KIRREL2: variants seen among roughly 807,000 people sequenced by gnomAD.
KIRREL2 encodes the protein kin of IRRE-like protein 2.
A neutral mutation model predicts 73.4 loss-of-function variants in KIRREL2; 56 were observed. The ratio of observed to expected loss-of-function variants is 0.76; its 90% CI spans 0.62 to 0.95. KIRREL2 has a LOEUF of 0.95. Among genes scored for constraint, KIRREL2 ranks in the 40% least tolerant of loss-of-function variants. The pLI is 0.00. For synonymous variants in KIRREL2, 407 were observed against 404.0 expected (o/e 1.01, Z -0.09); for missense variants, 896 against 935.0 (o/e 0.96, Z 0.54).
rs1426757251 is a variant in KIRREL2, at chr19:35,866,696, C to A, written c.*204C>A. On this transcript the variant is annotated 3_prime_UTR_variant, in exon 15 of 15. Coordinates refer to ENST00000360202, the MANE Select transcript of KIRREL2 (RefSeq NM_199180.4). ...CCCAAGTGGGAGCAACATGGCCACC[C>A]AATATGCCCACCTATTCCCCGGTGT... The A allele has an allele frequency of 1.5e-6, 1 of 652,206 alleles. No homozygotes were observed. Among genetic ancestry groups the A allele is most frequent in the Non-Finnish European group, 2.6e-6 (1 of 383,320 alleles). The allele number at this position is 652,206 out of a possible 1,614,324, so 40.4% of individuals were successfully genotyped here. A position where few individuals can be genotyped will look rare whatever the true frequency, so the allele number is the denominator to read the frequency against.
rs1973741864 is a variant in KIRREL2 at position 35,862,521 on chromosome 19, C to T, written c.1539C>T (p.Ala513=). 2 of 1,610,310 alleles carry T rather than the reference C, an allele frequency of 1.2e-6. No homozygotes were observed. The highest frequency in any genetic ancestry group is 8.5e-7 in the Non-Finnish European group (1 of 1,179,892). ...TGCTGCCCACTGTGCGGATAGTGGC[C>T]GGAGTGGCCGCTGCCACCACAACTC... ...RDLLPTVRIV[A]GVAAATTTLL... is the part of the protein sequence containing the mutation. Residue 513 remains alanine (A), a synonymous_variant, in exon 12 of 15, where the codon GCC becomes GCT. Transcript: ENST00000360202.
At chr19:35,863,461 CTT>C (rs111603435) in intron 13 of KIRREL2, among the ~76,000 whole-genome samples, 3 of 129,514 alleles carry the variant, frequency 2.3e-5, no homozygotes, top group East Asian at 2.3e-4. Flanking sequence ...GGGCTCTAGT[CTT>C]TTTTTTTTTG....
At chr19:35,856,848 G>A, upstream of KIRREL2, 1 of 542,554 alleles carries the variant, frequency 1.8e-6, no homozygotes, top group African/African-American at 2.0e-5. The surrounding 1 kb of genome is among the most constrained non-coding windows in gnomAD (Gnocchi z 5.9). Context: ...CGGGAAGAGG[G>A]CGGAGCTCCC....
chr19:35,866,470 C>T lies in KIRREL2; in HGVS notation c.2105C>T (p.Pro702Leu), dbSNP rs371526982. The change falls in exon 15 of 15, where the codon CCG becomes CTG. Residue 702 changes from proline (P) to leucine (L), a missense_variant. Pro to Leu is a moderately conservative substitution (Grantham distance 98). Transcript: ENST00000360202. Reference sequence around the variant, plus strand: ...GCTGCCTTCCCCACACCTAGCCACCCGCGTCTCCAGACTCACGTGTGACAT... The same window carrying T: ...GCTGCCTTCCCCACACCTAGCCACCTGCGTCTCCAGACTCACGTGTGACAT... ...PYAAFPTPSH[P>L]RLQTHV 3.8e-5 allele frequency: 62 copies of T among 1,612,042 alleles called. No homozygotes were observed. Among genetic ancestry groups the T allele is most frequent in the East Asian group, 1.6e-4 (7 of 44,888 alleles).
chr19:35,864,342 A>C (rs916335955), intron 13 of KIRREL2, among the ~76,000 whole-genome samples: 8 of 152,010 alleles, frequency 5.3e-5, no homozygotes, highest in African/African-American at 1.7e-4. Flanking sequence ...GGTGCCTGCC[A>C]CCATGCCTGC....
Position 35,866,586 on chromosome 19 carries a change from C to T in KIRREL2, c.*94C>T, listed in dbSNP as rs1033820846. The stretch of plus-strand genomic sequence containing the variant: ...CCAGGACAAGTTGGCGACCTTACTC[C>T]TCCAAAACTGAACACAAGGGGAGGG... On this transcript the variant is annotated 3_prime_UTR_variant, in exon 15 of 15. Coordinates refer to ENST00000360202, the MANE Select transcript of KIRREL2 (RefSeq NM_199180.4). 2 of 1,557,362 alleles carry T rather than the reference C, an allele frequency of 1.3e-6. No homozygotes were observed. Among genetic ancestry groups the T allele is most frequent in the African/African-American group, 2.8e-5 (2 of 72,656 alleles).
At chr19:35,856,798 T>TC, upstream of KIRREL2, 1 of 420,388 alleles carries the variant, frequency 2.4e-6, no homozygotes, top group South Asian at 2.5e-5. This position sits in a 1 kb window ranked among gnomAD's most constrained non-coding sequence, Gnocchi z 5.9. Flanking sequence ...CCGCCCTGCG[T>TC]CCCCCATTCA....
intron 4 of KIRREL2, among the ~76,000 whole-genome samples, chr19:35,859,221 T>C (rs374636971): frequency 2.2e-4 from 34 of 152,332 alleles, no homozygotes; most frequent in African/African-American, 7.5e-4. Context: ...GTGAGCACTA[T>C]ATAAGTAAGG....
chr19:35,861,369 G>T, intron 9 of KIRREL2, 115 bp downstream of exon 9: 1 of 1,493,718 alleles, frequency 6.7e-7, no homozygotes, highest in Non-Finnish European at 9.0e-7. Context: ...ACCCAGCGGG[G>T]GCTGGAGACC....
At chr19:35,860,756 G>C in intron 7 of KIRREL2, 89 bp downstream of exon 7, 1 of 1,585,918 alleles carries the variant, frequency 6.3e-7, no homozygotes, top group Non-Finnish European at 8.6e-7. Flanking sequence ...GCGGGGCCGG[G>C]AGAGCGAGCG....
In KIRREL2 at chr19:35,866,703, C is replaced by A; in HGVS notation, c.*211C>A. ...GGGAGCAACATGGCCACCCAATATG[C>A]CCACCTATTCCCCGGTGTAAAAGAG... is the stretch of plus-strand genomic sequence containing the variant. On this transcript the variant is annotated 3_prime_UTR_variant, in exon 15 of 15. Coordinates refer to ENST00000360202, the MANE Select transcript of KIRREL2 (RefSeq NM_199180.4). The A allele has an allele frequency of 1.6e-6, 1 of 626,972 alleles. No homozygotes were observed. 38.8% of individuals were successfully genotyped at this position (626,972 alleles called of 1,614,324 possible). A position where few individuals can be genotyped will look rare whatever the true frequency, so the allele number is the denominator to read the frequency against.
chr19:35,860,563 G>A lies in KIRREL2; in HGVS notation c.824G>A (p.Arg275Lys). The part of the protein sequence containing the change: ...GSPVLGARGP[R>K]LEVVADASFL... ...CCGGTGCTCGGGGCCCGCGGGCCAAGGTTAGAGGTCGTGGCAGACGCCTCG... is the reference window on the plus strand; with the variant it reads ...CCGGTGCTCGGGGCCCGCGGGCCAAAGTTAGAGGTCGTGGCAGACGCCTCG... Residue 275 changes from arginine to lysine, a missense_variant, in exon 7 of 15, where the codon AGG becomes AAG. Arg to Lys is a conservative substitution (Grantham distance 26). Coordinates refer to ENST00000360202, the MANE Select transcript of KIRREL2 (RefSeq NM_199180.4). 1.9e-6 allele frequency: 3 copies of A among 1,603,576 alleles called. No homozygotes were observed. Among genetic ancestry groups the A allele is most frequent in the Non-Finnish European group, 2.5e-6 (3 of 1,179,976 alleles).
upstream of KIRREL2, chr19:35,851,556 C>G: frequency 6.2e-7 from 1 of 1,614,000 alleles, no homozygotes; most frequent in Non-Finnish European, 8.5e-7. Context: ...ACCGCACTGC[C>G]AGGGGTGCTG....
upstream of KIRREL2, among the ~76,000 whole-genome samples, chr19:35,856,166 C>T (rs991226583): frequency 6.6e-6 from 1 of 152,218 alleles, no homozygotes; most frequent in Non-Finnish European, 1.5e-5. The surrounding 1 kb of genome is among the most constrained non-coding windows in gnomAD (Gnocchi z 5.9). Flanking sequence ...AGCGTGGGAA[C>T]GCCCCAGCTG....
rs1555765815 is a variant in KIRREL2, at chr19:35,857,407, C to CGGCT, written c.126_129dup (p.Pro44AlafsTer16). The stretch of plus-strand genomic sequence containing the variant: ...GGTGGTGCTGCTGGGGGAGGAAGCC[C>CGGCT]GGCTGCCGTGTGCTCTGGGCGCCTA... On this transcript the variant is annotated frameshift_variant, in exon 2 of 15. Transcript: ENST00000360202. LOFTEE classifies it high-confidence loss of function. 1.2e-6 allele frequency: 2 copies of CGGCT among 1,613,010 alleles called. No homozygotes were observed. Among genetic ancestry groups the CGGCT allele is most frequent in the Non-Finnish European group, 1.7e-6 (2 of 1,179,996 alleles).
Position 35,859,135 on chromosome 19 carries a change from G to T in KIRREL2, c.522+271G>T, listed in dbSNP as rs996222185. Among the ~76,000 whole-genome samples, 80 of 152,122 alleles carry T rather than the reference G, an allele frequency of 5.3e-4. 1 individual carries two copies. The highest frequency in any genetic ancestry group is 1.6e-3 in the African/African-American group (65 of 41,422). On this transcript the variant is annotated intron_variant, in intron 4 of 14. Transcript: ENST00000360202. ...TATCTATACAATCAGGATAATAGTA[G>T]CATGCATGTCATAGGGTATTGTGAG...
In KIRREL2 at chr19:35,862,580, G is replaced by A. The variant is rs146036525; in HGVS notation, c.1598G>A (p.Cys533Tyr). 7 of 1,607,964 alleles carry A rather than the reference G, an allele frequency of 4.4e-6. No individual in the cohort carries two copies. The highest frequency in any genetic ancestry group is 1.3e-5 in the African/African-American group (1 of 74,932). The change falls in exon 12 of 15, where the codon TGC becomes TAC. Residue 533 changes from cysteine to tyrosine, a missense_variant. Transcript: ENST00000360202. ...LMVITGVALC[C>Y]WRHSKASASF... ...GTCATCACTGGGGTGGCCCTCTGCT[G>A]CTGGCGCCACAGCAAGGGTTAGTGC...
In KIRREL2 at chr19:35,860,416, C is replaced by G. The variant is rs371071869; in HGVS notation, c.779+14C>G. ...CACAGGCTACAGGTGAGGACGAAGACCCACCTCTCCCCAGCCCCAAGAGTG... is the reference window on the plus strand; with the variant it reads ...CACAGGCTACAGGTGAGGACGAAGAGCCACCTCTCCCCAGCCCCAAGAGTG... On this transcript the variant is annotated intron_variant, in intron 6 of 14. Coordinates refer to ENST00000360202, the MANE Select transcript of KIRREL2 (RefSeq NM_199180.4). 12 of 1,610,664 alleles carry G rather than the reference C, an allele frequency of 7.5e-6. No individual in the cohort carries two copies. The highest frequency in any genetic ancestry group is 1.3e-5 in the African/African-American group (1 of 74,928).
Position 35,857,000 on chromosome 19 carries a change from C to A in KIRREL2, c.-120C>A. ...GGAGGACTCCAGGCCAGAGACTAGG[C>A]TGGGCGAAGAGTCGAGCGTGAAGGG... is the stretch of plus-strand genomic sequence containing the variant. On this transcript the variant is annotated 5_prime_UTR_variant, in exon 1 of 15. The change creates a new upstream start codon in the 5' untranslated region. Transcript: ENST00000360202. This position sits in a 1 kb window ranked among gnomAD's most constrained non-coding sequence, Gnocchi z 5.9. 9.9e-7 allele frequency: 1 copy of A among 1,015,208 alleles called. No individual in the cohort carries two copies. The highest frequency in any genetic ancestry group is 1.5e-6 in the Non-Finnish European group (1 of 645,394). The allele number at this position is 1,015,208 out of a possible 1,614,324, so 62.9% of individuals were successfully genotyped here. A position where few individuals can be genotyped will look rare whatever the true frequency, so the allele number is the denominator to read the frequency against.
Sources: allele counts gnomAD v4.1 joint callset (sites outside exome capture counted in the v4.1 genomes callset), GRCh38; gene constraint gnomAD v4.1.1; non-coding constraint Gnocchi (gnomAD v3.1); transcripts MANE v1.5; gene names NCBI Gene and HGNC (gene_info 2026-07-23, HGNC 2026-07-21).